Variants in CSTF3 observed in about 807,000 individuals in gnomAD.
The protein encoded by CSTF3 is cleavage stimulation factor subunit 3, also known as CF-1 77 kDa subunit.
In CSTF3, 29 loss-of-function variants were observed where a neutral mutation model predicts 105.8. The observed-to-expected ratio is 0.27, with a 90% confidence interval of 0.20 to 0.37. CSTF3 has a LOEUF of 0.37. Among genes scored for constraint, CSTF3 ranks in the 10% least tolerant of loss-of-function variants. The probability of loss-of-function intolerance (pLI) is 1.00; values close to 1 mark genes in which losing one functional copy is unlikely to be tolerated. For missense variants in CSTF3, 357 were observed against 879.3 expected, an observed-to-expected ratio of 0.41 and a Z score of 7.51; for synonymous variants, 252 against 281.9, an observed-to-expected ratio of 0.89 and a Z score of 1.06.
chr11:33,130,613 C>T (rs2133792294), intron 3 of CSTF3, among the ~76,000 whole-genome samples: 1 of 152,258 alleles, frequency 6.6e-6, no homozygotes, highest in Middle Eastern at 3.4e-3. Flanking sequence ...TACACTCTAC[C>T]TAAATCCTTA....
intron 3 of CSTF3, among the ~76,000 whole-genome samples, chr11:33,120,194 T>C (rs1402377994): frequency 6.6e-6 from 1 of 151,712 alleles, no homozygotes; most frequent in Non-Finnish European, 1.5e-5. Context: ...CTAAACAGCA[T>C]GTATCTAGGA....
At chr11:33,131,768 C>G (rs2474869) in intron 3 of CSTF3, among the ~76,000 whole-genome samples, 1 of 151,712 alleles carries the variant, frequency 6.6e-6, no homozygotes, top group Admixed American at 6.6e-5. Context: ...AGGAGAATGG[C>G]GTGAACCCGG....
chr11:33,138,168 A>T (rs1855674068), intron 3 of CSTF3, among the ~76,000 whole-genome samples: 1 of 151,854 alleles, frequency 6.6e-6, no homozygotes, highest in African/African-American at 2.4e-5. Context: ...ACAGCAAGAT[A>T]CATCGTTGCT....
At chr11:33,105,251 T>C (rs1818922813) in intron 8 of CSTF3, among the ~76,000 whole-genome samples, 1 of 152,142 alleles carries the variant, frequency 6.6e-6, no homozygotes, top group African/African-American at 2.4e-5. Flanking sequence ...TCCCAAAAGG[T>C]ACTATTGGAA....
intron 3 of CSTF3, among the ~76,000 whole-genome samples, chr11:33,133,937 A>C (rs1185369644): frequency 6.6e-6 from 1 of 152,228 alleles, no homozygotes; most frequent in African/African-American, 2.4e-5. Flanking sequence ...CAAAAGTATA[A>C]CATAGACTGC....
At chr11:33,101,962 A>G (rs1373740051) in intron 10 of CSTF3, among the ~76,000 whole-genome samples, 2 of 152,176 alleles carry the variant, frequency 1.3e-5, no homozygotes, top group African/African-American at 2.4e-5. Context: ...AAAATATAGT[A>G]TCTGAAATAA....
chr11:33,097,038 A>G, intron 13 of CSTF3, 60 bp from the exon 14 acceptor site: 1 of 1,243,918 alleles, frequency 8.0e-7, no homozygotes, highest in African/African-American at 1.5e-5. Flanking sequence ...TGCATAAGAA[A>G]GCAATCCTCA....
chr11:33,096,790 A>G, intron 14 of CSTF3, 45 bp downstream of exon 14: 4 of 1,546,902 alleles, frequency 2.6e-6, no homozygotes, highest in Non-Finnish European at 3.5e-6. Context: ...CGAACCTCAG[A>G]TGAAGGAAGT....
Position 33,108,379 on chromosome 11 carries a change from G to T in CSTF3, c.258+7C>A. 1 of 1,489,770 alleles carries T rather than the reference G, an allele frequency of 6.7e-7. No individual in the cohort carries two copies. Among genetic ancestry groups the T allele is most frequent in the South Asian group, 1.3e-5 (1 of 75,892 alleles). The allele number at this position is 1,489,770 out of a possible 1,614,324, so 92.3% of individuals were successfully genotyped here. A position where few individuals can be genotyped will look rare whatever the true frequency, so the allele number is the denominator to read the frequency against. ...CAATATAAAATTCAAAGTATTTGAG[G>T]ACTCACCTTTTCAACCTTGTCATAA... On this transcript the variant is annotated splice_region_variant and intron_variant, in intron 4 of 20. Transcript: ENST00000323959.
At position 33,094,591 on chromosome 11, in the gene CSTF3, T is replaced by A. The variant is rs771207675; in HGVS notation, c.1375+1715A>T. Among the ~76,000 whole-genome samples the A allele has an allele frequency of 3.7e-4, 56 of 151,732 alleles. 1 individual carries two copies. The highest frequency in any genetic ancestry group is 7.7e-4 in the East Asian group (4 of 5,178). Reference sequence around the variant, plus strand: ...AAAATACATATACTAGTAACTATTTTAAAAAAAAATTAGGCAAAACAATTT... The same window carrying A: ...AAAATACATATACTAGTAACTATTTAAAAAAAAAATTAGGCAAAACAATTT... On this transcript the variant is annotated intron_variant, in intron 15 of 20. Coordinates refer to ENST00000323959, the MANE Select transcript of CSTF3 (RefSeq NM_001326.3).
intron 3 of CSTF3, among the ~76,000 whole-genome samples, chr11:33,120,362 T>C (rs1340642983): frequency 6.6e-6 from 1 of 151,876 alleles, no homozygotes; most frequent in Non-Finnish European, 1.5e-5. Context: ...AGTGGGAATA[T>C]GGTTTTTTTC....
At chr11:33,142,374 T>C (rs985358772) in intron 1 of CSTF3, among the ~76,000 whole-genome samples, 2 of 152,304 alleles carry the variant, frequency 1.3e-5, no homozygotes, top group African/African-American at 2.4e-5. Context: ...ATGTAAGCTA[T>C]ATGCAAATAC....
chr11:33,130,890 G>A (rs757431345), intron 3 of CSTF3, among the ~76,000 whole-genome samples: 13 of 152,132 alleles, frequency 8.5e-5, no homozygotes, highest in South Asian at 2.1e-4. Context: ...TTAGCCGGGT[G>A]TGGTGGTATG....
intron 1 of CSTF3, among the ~76,000 whole-genome samples, chr11:33,150,323 T>C (rs1397349262): frequency 6.6e-6 from 1 of 151,986 alleles, no homozygotes; most frequent in South Asian, 2.1e-4. Context: ...AGCTGTCCCA[T>C]GCTTATGCAT....
chr11:33,085,984 C>T lies in CSTF3; in HGVS notation c.1801G>A (p.Gly601Ser). 6.7e-7 allele frequency: 1 copy of T among 1,485,270 alleles called. No homozygotes were observed. The highest frequency in any genetic ancestry group is 8.9e-7 in the Non-Finnish European group (1 of 1,119,918). The allele number at this position is 1,485,270 out of a possible 1,614,324, so 92.0% of individuals were successfully genotyped here. The change falls in exon 19 of 21, where the codon GGT becomes AGT. Residue 601 changes from glycine (G) to serine (S), a missense_variant. This residue lies in a region of CSTF3 where 206 missense variants were observed against 576.5 expected (regional missense o/e 0.36). Transcript: ENST00000323959. ...PFQPRHLAPPGLHPVPGGVFP... is the reference protein window; with the variant it reads ...PFQPRHLAPPSLHPVPGGVFP... The stretch of plus-strand genomic sequence containing the variant: ...ACTCCACCAGGTACAGGGTGTAAAC[C>T]TGGAGCTGTGAGAAAAAGAAAAGTA...
At chr11:33,101,855 G>A (rs1383834719) in intron 10 of CSTF3, among the ~76,000 whole-genome samples, 1 of 151,834 alleles carries the variant, frequency 6.6e-6, no homozygotes, top group African/African-American at 2.4e-5. Context: ...GAAAAAGATG[G>A]TAATGAACAC....
At chr11:33,156,175 C>G (rs993120474) in intron 1 of CSTF3, among the ~76,000 whole-genome samples, 1 of 152,110 alleles carries the variant, frequency 6.6e-6, no homozygotes, top group African/African-American at 2.4e-5. Context: ...TTTGCCTGCC[C>G]AAAACTGTTA....
chr11:33,117,614 G>A (rs370611121), intron 3 of CSTF3, among the ~76,000 whole-genome samples: 1 of 151,826 alleles, frequency 6.6e-6, no homozygotes, highest in African/African-American at 2.4e-5. Flanking sequence ...ACTTCCCCCA[G>A]ATCACACAAC....
At chr11:33,086,518 A>G (rs1590259522) in intron 18 of CSTF3, among the ~76,000 whole-genome samples, 1 of 151,646 alleles carries the variant, frequency 6.6e-6, no homozygotes, top group African/African-American at 2.4e-5. Flanking sequence ...GCTCACTGCA[A>G]CCTCCGCCTC....
Sources: allele counts gnomAD v4.1 joint callset (sites outside exome capture counted in the v4.1 genomes callset), GRCh38; gene constraint gnomAD v4.1.1; regional missense constraint gnomAD v4.1.1; transcripts MANE v1.5; gene names NCBI Gene and HGNC (gene_info 2026-07-23, HGNC 2026-07-21).